JAK2: variants seen among roughly 807,000 people sequenced by gnomAD.
The protein encoded by JAK2 is Janus kinase 2, also known as tyrosine-protein kinase JAK2.
A neutral mutation model predicts 139.3 loss-of-function variants in JAK2; 86 were observed. The ratio of observed to expected loss-of-function variants is 0.62; its 90% CI spans 0.52 to 0.74. The LOEUF (loss-of-function observed/expected upper bound fraction) is 0.74, where lower values mean the gene tolerates loss of function less well. JAK2 is among the 30% of genes least tolerant of loss of function. The pLI, the probability that JAK2 is intolerant of heterozygous loss-of-function variation, is 0.00. For synonymous variants in JAK2, 490 were observed against 437.7 expected, an observed-to-expected ratio of 1.12 and a Z score of -1.49; for missense variants, 1,421 against 1,360.3, an observed-to-expected ratio of 1.04 and a Z score of -0.70.
intron 5 of JAK2, 105 bp from the exon 6 acceptor site, chr9:5,050,581 T>A: frequency 8.2e-7 from 1 of 1,212,518 alleles, no homozygotes; most frequent in Admixed American, 2.2e-5. Context: ...AATTTGTATC[T>A]TGTAAATGCA....
At chr9:5,024,728 T>G (rs1284786972) in intron 3 of JAK2, among the ~76,000 whole-genome samples, 1 of 152,220 alleles carries the variant, frequency 6.6e-6, no homozygotes, top group Non-Finnish European at 1.5e-5. Flanking sequence ...ATGTTTTCAA[T>G]GAATATCTTC....
chr9:5,082,981 T>C (rs1197760844), intron 19 of JAK2, among the ~76,000 whole-genome samples: 1 of 152,224 alleles, frequency 6.6e-6, no homozygotes, highest in Non-Finnish European at 1.5e-5. Flanking sequence ...CACACTGATC[T>C]CTCTTTCTTT....
At chr9:5,038,493 T>A (rs1432855233) in intron 4 of JAK2, among the ~76,000 whole-genome samples, 2 of 151,982 alleles carry the variant, frequency 1.3e-5, no homozygotes, top group Non-Finnish European at 2.9e-5. Flanking sequence ...AGACCAATGT[T>A]GTAGGTAGAA....
rs1268657278 is a variant in JAK2 at position 5,055,792 on chromosome 9, A to G, written c.1056+4A>G. 7 of 1,607,908 alleles carry G rather than the reference A, an allele frequency of 4.4e-6. No homozygotes were observed. The highest frequency in any genetic ancestry group is 6.0e-6 in the Non-Finnish European group (7 of 1,176,202). On this transcript the variant is annotated splice_donor_region_variant and intron_variant, in intron 8 of 24. Transcript: ENST00000381652. ...TAAGCAAGATGGTAAAAATCTGGTA[A>G]GTTTGCTTTATGATTGAATAATGGT...
chr9:5,085,147 T>A (rs918488644), intron 19 of JAK2: 1 of 646,708 alleles, frequency 1.5e-6, no homozygotes, highest in Non-Finnish European at 3.0e-6. Flanking sequence ...TAATACATAC[T>A]GTGGAGCTCT....
intron 22 of JAK2, chr9:5,114,792 G>C: frequency 3.3e-6 from 1 of 301,916 alleles, no homozygotes. Context: ...ACTGTTGTCT[G>C]TAAATCCCAT....
chr9:5,013,894 T>G (rs1182927112), intron 2 of JAK2, among the ~76,000 whole-genome samples: 1 of 152,150 alleles, frequency 6.6e-6, no homozygotes, highest in African/African-American at 2.4e-5. Flanking sequence ...GTGAGGAAGC[T>G]GAGATTCATT....
At position 5,122,967 on chromosome 9, in the gene JAK2, A is replaced by G. The variant is rs778028217; in HGVS notation, c.3060-37A>G. Reference sequence around the variant, plus strand: ...GGTAAAATCAAGAGTCCACATATCAAGTAACTGTCTTTTAAATGTTATTCA... The same window carrying G: ...GGTAAAATCAAGAGTCCACATATCAGGTAACTGTCTTTTAAATGTTATTCA... On this transcript the variant is annotated intron_variant, in intron 22 of 24. Coordinates refer to ENST00000381652, the MANE Select transcript of JAK2 (RefSeq NM_004972.4). The G allele has an allele frequency of 4.5e-6, 6 of 1,345,894 alleles. No individual in the cohort carries two copies. The African/African-American group carries it at 8.7e-5, about 20-fold the overall frequency. The allele number at this position is 1,345,894 out of a possible 1,614,324, so 83.4% of individuals were successfully genotyped here. A position where few individuals can be genotyped will look rare whatever the true frequency, so the allele number is the denominator to read the frequency against.
At chr9:5,007,398 A>G (rs1235966365) in intron 2 of JAK2, among the ~76,000 whole-genome samples, 1 of 152,068 alleles carries the variant, frequency 6.6e-6, no homozygotes, top group African/African-American at 2.4e-5. Context: ...TTTTCTGTAT[A>G]TGCTGTGGTA....
At chr9:5,068,565 G>A (rs1235983898) in intron 10 of JAK2, among the ~76,000 whole-genome samples, 1 of 152,160 alleles carries the variant, frequency 6.6e-6, no homozygotes, top group Non-Finnish European at 1.5e-5. Context: ...ATAGCATGAA[G>A]AATTATCAAG....
chr9:5,053,140 A>C (rs1484911620), intron 6 of JAK2, among the ~76,000 whole-genome samples: 1 of 151,952 alleles, frequency 6.6e-6, no homozygotes, highest in Non-Finnish European at 1.5e-5. Flanking sequence ...CTCTTTCCGC[A>C]CTTGTTTCTG....
At chr9:5,032,887 C>T (rs1319306821) in intron 4 of JAK2, among the ~76,000 whole-genome samples, 1 of 152,170 alleles carries the variant, frequency 6.6e-6, no homozygotes. Context: ...CGGAACAAAG[C>T]CGGATGGAGA....
Position 5,117,639 on chromosome 9 carries a change from A to T in JAK2, c.3060-5365A>T, listed in dbSNP as rs1224725755. Among the ~76,000 whole-genome samples the T allele has an allele frequency of 2.6e-5, 4 of 152,024 alleles. No individual in the cohort carries two copies. In the East Asian group the frequency reaches 7.7e-4, roughly 29 times the overall value. On this transcript the variant is annotated intron_variant, in intron 22 of 24. Transcript: ENST00000381652. ...TTGTTTTCCATAAAATACATTACTT[A>T]TGTTAACAGGTAATGGTTTTATCTT... is the stretch of plus-strand genomic sequence containing the variant.
In JAK2 at chr9:5,044,416, C is replaced by T. The variant is rs147483622; in HGVS notation, c.364C>T (p.Arg122Cys). The change falls in exon 5 of 25, where the codon CGT becomes TGT. Residue 122 changes from arginine (R) to cysteine (C), a missense_variant. Physicochemically the swap from Arg to Cys is radical, Grantham distance 180. Transcript: ENST00000381652. ...VLYRIRFYFP[R>C]WYCSGSNRAY... ...ATTATCTTGTAGATTTTACTTTCCT[C>T]GTTGGTATTGCAGTGGCAGCAACAG... 57 of 1,609,094 alleles carry T rather than the reference C, an allele frequency of 3.5e-5. No individual in the cohort carries two copies. The highest frequency in any genetic ancestry group is 4.4e-5 in the Non-Finnish European group (52 of 1,176,394).
intron 18 of JAK2, 43 bp from the exon 19 acceptor site, chr9:5,081,682 G>A: frequency 7.0e-7 from 1 of 1,429,920 alleles, no homozygotes; most frequent in Non-Finnish European, 9.8e-7. Flanking sequence ...TCCAGAGAAT[G>A]TTATTTGCTA....
intron 4 of JAK2, among the ~76,000 whole-genome samples, chr9:5,042,856 C>T (rs558283944): frequency 2.6e-5 from 4 of 152,190 alleles, no homozygotes; most frequent in African/African-American, 7.2e-5. Flanking sequence ...CACCAAAGCT[C>T]GGTCGCCACA....
chr9:5,054,994 A>T lies in JAK2; in HGVS notation c.936+110A>T. The T allele has an allele frequency of 1.3e-6, 1 of 755,418 alleles. No individual in the cohort carries two copies. The highest frequency in any genetic ancestry group is 2.1e-6 in the Non-Finnish European group (1 of 479,940). 46.8% of individuals were successfully genotyped at this position (755,418 alleles called of 1,614,324 possible). ...TGGTATTGCACTTCTCCCATTTGATAGAAGTGGAAGTTTTTAATAGCGTGA... is the reference window on the plus strand; with the variant it reads ...TGGTATTGCACTTCTCCCATTTGATTGAAGTGGAAGTTTTTAATAGCGTGA... On this transcript the variant is annotated intron_variant, in intron 7 of 24. Coordinates refer to ENST00000381652, the MANE Select transcript of JAK2 (RefSeq NM_004972.4). The surrounding 1 kb of genome is among the most constrained non-coding windows in gnomAD (Gnocchi z 4.9).
At chr9:5,087,397 C>A (rs1820210816) in intron 19 of JAK2, among the ~76,000 whole-genome samples, 1 of 152,146 alleles carries the variant, frequency 6.6e-6, no homozygotes, top group Admixed American at 6.5e-5. Context: ...CCCACCAGGT[C>A]CTTCCAATGA....
In JAK2 at chr9:5,126,693, A is replaced by G. The variant is rs1353496335; in HGVS notation, c.3301A>G (p.Ile1101Val). 2 of 1,607,730 alleles carry G rather than the reference A, an allele frequency of 1.2e-6. No homozygotes were observed. Among genetic ancestry groups the G allele is most frequent in the African/African-American group, 1.3e-5 (1 of 74,812 alleles). ...PDGCPDEIYM[I>V]MTECWNNNVN... is the part of the protein sequence containing the mutation. ...ATTTTCTCCTTTACAGATCTATATG[A>G]TCATGACAGAATGCTGGAACAATAA... Residue 1101 changes from isoleucine to valine, a missense_variant, in exon 25 of 25, where the codon ATC becomes GTC. By Grantham distance (29) the Ile-to-Val change is conservative. Transcript: ENST00000381652.
Sources: gnomAD v4.1 joint callset for allele counts (sites outside exome capture counted in the v4.1 genomes callset) on GRCh38, gnomAD v4.1.1 for gene constraint, Gnocchi (gnomAD v3.1) non-coding constraint, MANE v1.5 for transcripts, NCBI Gene and HGNC (gene_info 2026-07-23, HGNC 2026-07-21) for gene names.